Variants in KYAT3 observed in about 807,000 individuals in gnomAD.
KYAT3 encodes kynurenine aminotransferase 3.
A neutral mutation model predicts 59.0 loss-of-function variants in KYAT3; 50 were observed. That is an observed-to-expected ratio of 0.85 (90% confidence interval 0.68 to 1.07). The LOEUF (loss-of-function observed/expected upper bound fraction) is 1.07. Among genes scored for constraint, KYAT3 ranks in the 50% least tolerant of loss-of-function variants. The pLI is 0.00. For missense variants in KYAT3, 497 were observed against 533.3 expected, an observed-to-expected ratio of 0.93 and a Z score of 0.67; for synonymous variants, 148 against 177.0, an observed-to-expected ratio of 0.84 and a Z score of 1.30.
At position 88,943,447 on chromosome 1, in the gene KYAT3, T is replaced by A. The variant is rs57307812; in HGVS notation, c.1142-24A>T. On this transcript the variant is annotated intron_variant, in intron 11 of 13. Transcript: ENST00000260508. ...ATCTAAAACCACAATGAAAATTAGG[T>A]GGCCTATGAATTTCATCTGATGCAA... 901 of 1,301,606 alleles carry A rather than the reference T, an allele frequency of 6.9e-4. 5 individuals carry two copies. The African/African-American group carries it at 0.012, about 17-fold the overall frequency. 80.6% of individuals were successfully genotyped at this position (1,301,606 alleles called of 1,614,324 possible). A position where few individuals can be genotyped will look rare whatever the true frequency, so the allele number is the denominator to read the frequency against.
At chr1:88,968,905 A>C in intron 3 of KYAT3, 91 bp from the exon 4 acceptor site, 1 of 965,744 alleles carries the variant, frequency 1.0e-6, no homozygotes, top group Non-Finnish European at 1.5e-6. Flanking sequence ...AAACAGACAA[A>C]TAAGACCCTA....
At chr1:88,939,158 GAAATA>G (rs1420277695) in intron 13 of KYAT3, among the ~76,000 whole-genome samples, 17 of 152,120 alleles carry the variant, frequency 1.1e-4, no homozygotes, top group Non-Finnish European at 2.9e-5. Flanking sequence ...CCCTTACTAT[GAAATA>G]AGTTTGACAA....
At position 88,962,037 on chromosome 1, in the gene KYAT3, T is replaced by A. The variant is rs1173250997; in HGVS notation, c.540+22A>T. 2.6e-6 allele frequency: 4 copies of A among 1,565,582 alleles called. No homozygotes were observed. In the African/African-American group the frequency reaches 5.4e-5, roughly 21 times the overall value. On this transcript the variant is annotated intron_variant, in intron 6 of 13. Coordinates refer to ENST00000260508, the MANE Select transcript of KYAT3 (RefSeq NM_001008661.3). ...TCTTAAGTCTTGAAACTTTGCCATA[T>A]GAACCATACTGGCAAACTTACAGAT... is the stretch of plus-strand genomic sequence containing the variant.
intron 2 of KYAT3, among the ~76,000 whole-genome samples, chr1:88,984,844 G>A (rs1387295291): frequency 1.3e-5 from 2 of 151,856 alleles, no homozygotes; most frequent in East Asian, 3.8e-4. Flanking sequence ...CCACCCTGTA[G>A]AAAAAACAGT....
chr1:88,982,363 G>A (rs1170525837), intron 2 of KYAT3: 2 of 743,162 alleles, frequency 2.7e-6, no homozygotes, highest in South Asian at 3.3e-5. Flanking sequence ...CAGATAGGAA[G>A]TGGTCTTTAG....
chr1:88,973,003 T>C (rs1557698685), intron 2 of KYAT3, among the ~76,000 whole-genome samples: 1 of 152,202 alleles, frequency 6.6e-6, no homozygotes, highest in Non-Finnish European at 1.5e-5. Context: ...TTACTGCAGA[T>C]GTAATTAGTT....
intron 2 of KYAT3, chr1:88,982,173 A>C: frequency 1.1e-6 from 1 of 897,356 alleles, no homozygotes; most frequent in Non-Finnish European, 1.3e-6. Context: ...CAGGTTTTGC[A>C]TACTGAGAAC....
At chr1:88,979,531 G>GAT (rs1676970494) in intron 2 of KYAT3, 1 of 152,128 alleles carries the variant, frequency 6.6e-6, no homozygotes, top group Non-Finnish European at 1.5e-5. Context: ...CCAATTAAAA[G>GAT]TGGGCAAAAG....
downstream of KYAT3, among the ~76,000 whole-genome samples, chr1:88,931,478 A>T (rs554712561): frequency 6.6e-6 from 1 of 151,836 alleles, no homozygotes; most frequent in South Asian, 2.1e-4. Context: ...CAACTGTACA[A>T]CCCCTACTAT....
chr1:88,927,037 G>T, the KYAT3 span, among the ~76,000 whole-genome samples: 2 of 152,176 alleles, frequency 1.3e-5, no homozygotes, highest in Admixed American at 1.3e-4. Context: ...ACGGAAAAAG[G>T]GGTGCAGGAC....
At chr1:88,983,896 T>C (rs1442261297) in intron 2 of KYAT3, 1 of 1,590,660 alleles carries the variant, frequency 6.3e-7, no homozygotes, top group Admixed American at 1.7e-5. Context: ...CGACAGGGGC[T>C]TCCTAGCAGC....
At chr1:88,983,701 G>A (rs745660208) in intron 2 of KYAT3, 2 of 1,613,896 alleles carry the variant, frequency 1.2e-6, no homozygotes, top group South Asian at 2.2e-5. Context: ...TGGTTTCACG[G>A]TCTTTTATCA....
At chr1:88,963,322 G>A (rs923389191) in intron 5 of KYAT3, among the ~76,000 whole-genome samples, 1 of 152,146 alleles carries the variant, frequency 6.6e-6, no homozygotes, top group Non-Finnish European at 1.5e-5. Context: ...CAACATCGAA[G>A]TATGAGACAA....
At chr1:88,991,255 C>A (rs962928702) in intron 1 of KYAT3, among the ~76,000 whole-genome samples, 1 of 152,164 alleles carries the variant, frequency 6.6e-6, no homozygotes, top group Non-Finnish European at 1.5e-5. Flanking sequence ...CAAAATAAAT[C>A]CTAAGAAACT....
chr1:88,986,054 A>G (rs1163680552), intron 2 of KYAT3, among the ~76,000 whole-genome samples: 1 of 151,822 alleles, frequency 6.6e-6, no homozygotes, highest in East Asian at 1.9e-4. Context: ...GGTGGCGGGC[A>G]CCTATAGTCC....
intron 13 of KYAT3, among the ~76,000 whole-genome samples, chr1:88,942,352 T>G (rs1324485184): frequency 6.6e-6 from 1 of 152,136 alleles, no homozygotes. Flanking sequence ...AAATGTTTGC[T>G]TTAAAGTCCT....
At chr1:88,963,100 G>C (rs1055776433) in intron 5 of KYAT3, among the ~76,000 whole-genome samples, 6 of 151,386 alleles carry the variant, frequency 4.0e-5, no homozygotes, top group African/African-American at 1.5e-4. Flanking sequence ...TATAATGAAC[G>C]GAGAGACAAA....
intron 2 of KYAT3, among the ~76,000 whole-genome samples, chr1:88,986,726 A>C (rs765021732): frequency 5.3e-5 from 8 of 152,166 alleles, no homozygotes; most frequent in Non-Finnish European, 8.8e-5. Flanking sequence ...TTTTCATGAC[A>C]TTAAGGATGA....
intron 13 of KYAT3, among the ~76,000 whole-genome samples, chr1:88,936,494 A>G (rs947178955): frequency 6.6e-6 from 1 of 152,130 alleles, no homozygotes; most frequent in Admixed American, 6.5e-5. Context: ...TGTCTGCTCC[A>G]CCCCTTCTTC....
Sources: allele counts gnomAD v4.1 joint callset (sites outside exome capture counted in the v4.1 genomes callset), GRCh38; gene constraint gnomAD v4.1.1; transcripts MANE v1.5; gene names NCBI Gene and HGNC (gene_info 2026-07-23, HGNC 2026-07-21).